The following NBAS variants were observed in gnomAD, a reference collection of about 807,000 sequenced individuals.
NBAS encodes NBAS subunit of NRZ tethering complex.
A neutral mutation model predicts 302.5 loss-of-function variants in NBAS; 219 were observed. That is an observed-to-expected ratio of 0.72 (90% CI 0.65 to 0.81). NBAS has a LOEUF of 0.81. Among genes scored for constraint, NBAS ranks in the 30% least tolerant of loss-of-function variants. The pLI, the probability that NBAS is intolerant of heterozygous loss-of-function variation, is 0.00. For missense variants in NBAS, 2,932 were observed against 2,841.6 expected (o/e 1.03, Z -0.72); for synonymous variants, 1,118 against 1,021.6 (o/e 1.09, Z -1.80).
At chr2:14,956,713 C>T in the NBAS span, among the ~76,000 whole-genome samples, 1 of 152,046 alleles carries the variant, frequency 6.6e-6, no homozygotes, top group Admixed American at 6.6e-5. Context: ...AGATCTCATG[C>T]GAACTCACTC....
the NBAS span, among the ~76,000 whole-genome samples, chr2:14,944,815 C>T: frequency 6.6e-6 from 1 of 151,952 alleles, no homozygotes; most frequent in Non-Finnish European, 1.5e-5. Flanking sequence ...TTCTGCCCAG[C>T]ACCAAGTGAG....
At chr2:15,043,026 C>T in the NBAS span, among the ~76,000 whole-genome samples, 8 of 152,302 alleles carry the variant, frequency 5.3e-5, no homozygotes, top group African/African-American at 1.7e-4. Context: ...CAAAAACAGG[C>T]AGTAGGTCAC....
At chr2:14,813,789 C>A in the NBAS span, among the ~76,000 whole-genome samples, 2 of 152,250 alleles carry the variant, frequency 1.3e-5, no homozygotes, top group South Asian at 4.1e-4. Context: ...TAAAGGGGAG[C>A]CAAATATCAA....
chr2:15,067,934 T>C, the NBAS span, among the ~76,000 whole-genome samples: 1 of 152,112 alleles, frequency 6.6e-6, no homozygotes, highest in East Asian at 1.9e-4. Context: ...GAACAATACA[T>C]AACTAAAAGA....
intron 21 of NBAS, among the ~76,000 whole-genome samples, chr2:15,448,560 T>C (rs928525138): frequency 1.3e-5 from 2 of 152,160 alleles, no homozygotes; most frequent in Non-Finnish European, 2.9e-5. Context: ...CTACTACCTC[T>C]CCACATTAAG....
chr2:15,362,741 A>AT (rs971251725), intron 32 of NBAS, among the ~76,000 whole-genome samples: 55 of 152,266 alleles, frequency 3.6e-4, no homozygotes, highest in African/African-American at 1.3e-3. Flanking sequence ...CCAGATTATA[A>AT]TTTTTTTATG....
At chr2:15,039,723 C>T in the NBAS span, among the ~76,000 whole-genome samples, 1 of 152,192 alleles carries the variant, frequency 6.6e-6, no homozygotes, top group African/African-American at 2.4e-5. Context: ...TGTGGCCTGG[C>T]CCCAGTCTCA....
intron 21 of NBAS, among the ~76,000 whole-genome samples, chr2:15,457,374 T>C (rs563403015): frequency 1.3e-5 from 2 of 152,170 alleles, no homozygotes; most frequent in African/African-American, 4.8e-5. Context: ...TACACTCTCA[T>C]AGAAGAATAA....
rs114135974 is a variant in NBAS, at chr2:15,424,488, C to A, written c.2424-20G>T. Reference sequence around the variant, plus strand: ...ACCATTCTGTGAAGCACAAAAGGACCAATTAATAACTGACTAGAATGTTGG... The same window carrying A: ...ACCATTCTGTGAAGCACAAAAGGACAAATTAATAACTGACTAGAATGTTGG... On this transcript the variant is annotated intron_variant, in intron 22 of 51. Coordinates refer to ENST00000281513, the MANE Select transcript of NBAS (RefSeq NM_015909.4). The A allele has an allele frequency of 6.2e-7, 1 of 1,613,248 alleles. No individual in the cohort carries two copies. Among genetic ancestry groups the A allele is most frequent in the Non-Finnish European group, 8.5e-7 (1 of 1,179,310 alleles).
At chr2:14,816,424 C>T in the NBAS span, among the ~76,000 whole-genome samples, 2 of 152,212 alleles carry the variant, frequency 1.3e-5, no homozygotes, top group East Asian at 3.9e-4. Context: ...ATCCATCCCT[C>T]CTGCTGTCTG....
At chr2:15,003,657 T>G in the NBAS span, among the ~76,000 whole-genome samples, 1 of 152,160 alleles carries the variant, frequency 6.6e-6, no homozygotes, top group African/African-American at 2.4e-5. Flanking sequence ...GTCTCAAGCC[T>G]CCTCCTCCTC....
intron 8 of NBAS, among the ~76,000 whole-genome samples, chr2:15,534,856 C>T (rs1663408734): frequency 6.6e-6 from 1 of 152,030 alleles, no homozygotes; most frequent in Non-Finnish European, 1.5e-5. Context: ...ACTATGTCTC[C>T]CCTATGACCC....
chr2:14,803,176 C>T, the NBAS span, among the ~76,000 whole-genome samples: 1 of 152,126 alleles, frequency 6.6e-6, no homozygotes, highest in Non-Finnish European at 1.5e-5. Flanking sequence ...AATACTTTAC[C>T]TAATGCTCCA....
At chr2:15,273,040 C>T (rs1302065166) in intron 44 of NBAS, among the ~76,000 whole-genome samples, 1 of 152,150 alleles carries the variant, frequency 6.6e-6, no homozygotes, top group Admixed American at 6.5e-5. Context: ...AACTCTCTGT[C>T]CCCTCTACAC....
chr2:14,903,339 A>G, the NBAS span, among the ~76,000 whole-genome samples: 3 of 151,538 alleles, frequency 2.0e-5, no homozygotes, highest in Non-Finnish European at 2.9e-5. Flanking sequence ...AAAAAAAAAA[A>G]AAGAAAGAAA....
chr2:15,504,245 T>G, intron 10 of NBAS, 32 bp from the exon 11 acceptor site: 17 of 1,472,336 alleles, frequency 1.2e-5, no homozygotes, highest in Non-Finnish European at 1.4e-5. Context: ...TGAAGAAAGA[T>G]TACTGAAATG....
the NBAS span, among the ~76,000 whole-genome samples, chr2:15,158,866 A>T: frequency 6.6e-6 from 1 of 152,134 alleles, no homozygotes; most frequent in Admixed American, 6.5e-5. Context: ...TCTTGGGTAG[A>T]CATCTCAGTG....
At chr2:15,010,131 T>A in the NBAS span, among the ~76,000 whole-genome samples, 1 of 152,142 alleles carries the variant, frequency 6.6e-6, no homozygotes, top group Non-Finnish European at 1.5e-5. Context: ...CTTTTTATAG[T>A]GAGTCCATGT....
chr2:15,422,797 G>A (rs575488617), intron 23 of NBAS, among the ~76,000 whole-genome samples: 109 of 152,142 alleles, frequency 7.2e-4, no homozygotes, highest in African/African-American at 2.4e-3. Flanking sequence ...TTTTTTTGAT[G>A]TATATATAAA....
Sources: gnomAD v4.1 joint callset for allele counts (sites outside exome capture counted in the v4.1 genomes callset) on GRCh38, gnomAD v4.1.1 for gene constraint, MANE v1.5 for transcripts, NCBI Gene and HGNC (gene_info 2026-07-23, HGNC 2026-07-21) for gene names.